Variants in CACNA1D observed in about 807,000 individuals in gnomAD.
CACNA1D encodes voltage-dependent L-type calcium channel subunit alpha-1D.
In CACNA1D, 55 loss-of-function variants were observed where a neutral mutation model predicts 257.1. The observed-to-expected ratio is 0.21, with a 90% CI of 0.17 to 0.27. The LOEUF (loss-of-function observed/expected upper bound fraction) is 0.27, where lower values mean the gene tolerates loss of function less well. CACNA1D is among the 10% of genes least tolerant of loss of function. The pLI is 1.00. For synonymous variants in CACNA1D, 980 were observed against 1,014.9 expected (o/e 0.97, Z 0.65); for missense variants, 1,876 against 2,784.0 (o/e 0.67, Z 7.34).
chr3:53,796,082 C>T (rs770225277), intron 40 of CACNA1D: 10 of 253,090 alleles, frequency 4.0e-5, no homozygotes, highest in South Asian at 1.9e-4. Flanking sequence ...AGGAGGCGGA[C>T]GGCAGCTTGC....
At chr3:53,787,575 TG>T (rs553827863) in intron 40 of CACNA1D, among the ~76,000 whole-genome samples, 5 of 152,192 alleles carry the variant, frequency 3.3e-5, no homozygotes, top group Middle Eastern at 3.4e-3. Flanking sequence ...CTCCTCCACC[TG>T]GGCCCTGCTG....
chr3:53,700,685 T>A (rs1369575805), intron 8 of CACNA1D, among the ~76,000 whole-genome samples: 3 of 152,106 alleles, frequency 2.0e-5, no homozygotes, highest in African/African-American at 7.2e-5. Flanking sequence ...TGGGCTCAGA[T>A]CGGCTCCTGC....
chr3:53,518,255 T>C (rs1344199371), intron 3 of CACNA1D, among the ~76,000 whole-genome samples: 1 of 152,248 alleles, frequency 6.6e-6, no homozygotes, highest in East Asian at 1.9e-4. Flanking sequence ...TTTGATCTTA[T>C]GCTGTTTTCT....
chr3:53,755,656 A>G (rs192275208), intron 29 of CACNA1D, among the ~76,000 whole-genome samples: 141 of 152,236 alleles, frequency 9.3e-4, no homozygotes, highest in Non-Finnish European at 1.7e-3. Context: ...AGAACTTTTA[A>G]GACAGTAGCA....
chr3:53,657,529 T>C (rs1245576384), intron 4 of CACNA1D, among the ~76,000 whole-genome samples: 2 of 152,220 alleles, frequency 1.3e-5, no homozygotes, highest in Non-Finnish European at 2.9e-5. Flanking sequence ...GAGTGTGTTT[T>C]ATTATAGATA....
chr3:53,602,604 C>T (rs2093458105), intron 3 of CACNA1D, among the ~76,000 whole-genome samples: 1 of 152,208 alleles, frequency 6.6e-6, no homozygotes, highest in Admixed American at 6.5e-5. Context: ...TCTCCATATC[C>T]TTACCAGCAT....
intron 3 of CACNA1D, among the ~76,000 whole-genome samples, chr3:53,591,700 T>A (rs1037064892): frequency 1.3e-5 from 2 of 152,200 alleles, no homozygotes; most frequent in Non-Finnish European, 2.9e-5. Context: ...TAAACTACAG[T>A]ATCAAAGGTA....
In CACNA1D at chr3:53,808,423, A is replaced by C. The variant is rs115931630; in HGVS notation, c.5750-226A>C. The C allele has an allele frequency of 2.0e-3, 1,108 of 550,542 alleles. 15 individuals carry two copies. Among genetic ancestry groups the C allele is most frequent in the African/African-American group, 0.02 (1,038 of 52,594 alleles). The allele number at this position is 550,542 out of a possible 1,614,324, so 34.1% of individuals were successfully genotyped here. ...AGCCAGACTCCATCTCAAAAAAAAA[A>C]AAAAAGTAGTAAGTTTGTACTTTAA... is the stretch of plus-strand genomic sequence containing the variant. On this transcript the variant is annotated intron_variant, in intron 45 of 47. Coordinates refer to ENST00000350061, the MANE Select transcript of CACNA1D (RefSeq NM_001128840.3).
intron 3 of CACNA1D, among the ~76,000 whole-genome samples, chr3:53,578,491 C>T (rs975346553): frequency 1.7e-4 from 26 of 152,204 alleles, no homozygotes; most frequent in South Asian, 1.5e-3. Flanking sequence ...GGTGCCCAGC[C>T]GAAAGTCTTT....
chr3:53,805,985 C>T, intron 45 of CACNA1D, among the ~76,000 whole-genome samples: 1 of 134,274 alleles, frequency 7.4e-6, no homozygotes, highest in South Asian at 2.7e-4. Flanking sequence ...TTCCCTCCTC[C>T]TCCGTTCCTC....
At chr3:53,516,557 C>G (rs757097874) in intron 3 of CACNA1D, among the ~76,000 whole-genome samples, 1 of 152,240 alleles carries the variant, frequency 6.6e-6, no homozygotes, top group Non-Finnish European at 1.5e-5. Flanking sequence ...CCTGCTGAGA[C>G]GCTGAGGTCA....
chr3:53,761,879 T>C (rs2095304859), intron 29 of CACNA1D, 119 bp from the exon 30 acceptor site: 1 of 761,664 alleles, frequency 1.3e-6, no homozygotes, highest in Non-Finnish European at 2.4e-6. Flanking sequence ...CCCCTTTGGC[T>C]TTCCCACCCT....
chr3:53,809,039 C>T, intron 46 of CACNA1D: 1 of 491,602 alleles, frequency 2.0e-6, no homozygotes. Flanking sequence ...CCCTGCGATC[C>T]CCACCACCTC....
At chr3:53,574,867 C>G (rs1196127912) in intron 3 of CACNA1D, among the ~76,000 whole-genome samples, 1 of 152,218 alleles carries the variant, frequency 6.6e-6, no homozygotes, top group Non-Finnish European at 1.5e-5. Context: ...CCCTGTGAAG[C>G]CCACAGGGTA....
intron 3 of CACNA1D, among the ~76,000 whole-genome samples, chr3:53,545,792 T>C (rs1267136835): frequency 6.6e-6 from 1 of 152,066 alleles, no homozygotes; most frequent in Admixed American, 6.6e-5. Flanking sequence ...TAAAACAGAG[T>C]TGGGGCAGGG....
intron 3 of CACNA1D, among the ~76,000 whole-genome samples, chr3:53,596,596 A>G (rs2093373575): frequency 6.6e-6 from 1 of 152,186 alleles, no homozygotes; most frequent in Admixed American, 6.5e-5. Flanking sequence ...GGGAGGCAAG[A>G]GTTAGCCGGA....
At position 53,751,839 on chromosome 3, in the gene CACNA1D, A is replaced by G. The variant is rs2095229078; in HGVS notation, c.3607A>G (p.Asn1203Asp). 2 of 1,613,978 alleles carry G rather than the reference A, an allele frequency of 1.2e-6. No homozygotes were observed. The highest frequency in any genetic ancestry group is 3.3e-5 in the Admixed American group (2 of 59,998). The change falls in exon 28 of 48, where the codon AAC (asparagine) becomes GAC (aspartate). Residue 1203 changes from asparagine (N) to aspartate (D), a missense_variant. Physicochemically the swap from Asn to Asp is conservative, Grantham distance 23. Transcript: ENST00000350061. The surrounding 1 kb of genome is among the most constrained non-coding windows in gnomAD (Gnocchi z 4.3). ...PYQYKFWYVV[N>D]SSPFEYMMFV... Reference sequence around the variant, plus strand: ...CCAGTACAAGTTCTGGTACGTGGTGAACTCTTCGCCTTTCGAATACATGAT... The same window carrying G: ...CCAGTACAAGTTCTGGTACGTGGTGGACTCTTCGCCTTTCGAATACATGAT...
intron 8 of CACNA1D, among the ~76,000 whole-genome samples, chr3:53,682,749 A>G (rs113265421): frequency 0.015 from 2,234 of 152,294 alleles, 24 homozygotes; most frequent in Middle Eastern, 0.027. Flanking sequence ...TTGGATGGAT[A>G]CACAAATGGA....
At chr3:53,648,089 G>GTT in intron 3 of CACNA1D, among the ~76,000 whole-genome samples, 1 of 152,158 alleles carries the variant, frequency 6.6e-6, no homozygotes, top group African/African-American at 2.4e-5. Flanking sequence ...TGTTTGGGAG[G>GTT]TGTACTGTCT....
Sources: allele counts gnomAD v4.1 joint callset (sites outside exome capture counted in the v4.1 genomes callset), GRCh38; gene constraint gnomAD v4.1.1; non-coding constraint Gnocchi (gnomAD v3.1); transcripts MANE v1.5; gene names NCBI Gene and HGNC (gene_info 2026-07-23, HGNC 2026-07-21).